Variants in CSMD1 observed in about 807,000 individuals in gnomAD.
CSMD1 encodes the protein CUB and Sushi multiple domains 1.
A neutral mutation model predicts 417.5 loss-of-function variants in CSMD1; 213 were observed. The ratio of observed to expected loss-of-function variants is 0.51; its 90% CI spans 0.46 to 0.57. The LOEUF (loss-of-function observed/expected upper bound fraction) is 0.57, where lower values mean the gene tolerates loss of function less well. Among genes scored for constraint, CSMD1 ranks in the 20% least tolerant of loss-of-function variants. The pLI is 0.00. For synonymous variants in CSMD1, 2,862 were observed against 1,736.8 expected (o/e 1.65, Z -16.11); for missense variants, 6,923 against 4,529.7 (o/e 1.53, Z -15.17).
At chr8:3,551,868 T>G (rs1000629768) in intron 10 of CSMD1, among the ~76,000 whole-genome samples, 2 of 152,162 alleles carry the variant, frequency 1.3e-5, no homozygotes, top group Non-Finnish European at 2.9e-5. Context: ...GCTGCCACTG[T>G]GTCTTTAATG....
chr8:3,571,853 C>A (rs1246096627), intron 10 of CSMD1, among the ~76,000 whole-genome samples: 1 of 152,128 alleles, frequency 6.6e-6, no homozygotes, highest in African/African-American at 2.4e-5. Flanking sequence ...CCAAACTCTG[C>A]GTCTCACGTC....
rs554438988 is a variant in CSMD1 at position 4,708,446 on chromosome 8, A to G, written c.86-70888T>C. On this transcript the variant is annotated intron_variant, in intron 1 of 69. Transcript: ENST00000635120. ...AACTGCTAATAGTTTCACTAAAGAAACAAATATAGGAACAATGAAAAAGTA... is the reference window on the plus strand; with the variant it reads ...AACTGCTAATAGTTTCACTAAAGAAGCAAATATAGGAACAATGAAAAAGTA... Among the ~76,000 whole-genome samples, 8 of 152,368 alleles carry G rather than the reference A, an allele frequency of 5.3e-5. No homozygotes were observed. The South Asian group carries it at 1.7e-3, about 32-fold the overall frequency.
intron 6 of CSMD1, among the ~76,000 whole-genome samples, chr8:3,732,554 C>A (rs1796325248): frequency 6.6e-6 from 1 of 152,346 alleles, no homozygotes; most frequent in Admixed American, 6.5e-5. Context: ...GTACATTCTA[C>A]TAAACACCCT....
chr8:4,707,886 CAAAAAAAAAAAAAAAAAAAAAAAAAAAA>C lies in CSMD1; in HGVS notation c.86-70356_86-70329del, dbSNP rs552510236. Among the ~76,000 whole-genome samples, 118 of 100,854 alleles carry C rather than the reference CAAAAAAAAAAAAAAAAAAAAAAAAAAAA, an allele frequency of 1.2e-3. 1 individual carries two copies. Among genetic ancestry groups the C allele is most frequent in the Non-Finnish European group, 1.5e-3 (77 of 50,038 alleles). 66.2% of individuals were successfully genotyped at this position (100,854 alleles called of 152,430 possible). On this transcript the variant is annotated intron_variant, in intron 1 of 69. Coordinates refer to ENST00000635120, the MANE Select transcript of CSMD1 (RefSeq NM_033225.6). ...TGGGGACAAGAGCAAGACTTTGTTTCAAAAAAAAAAAAAAAAAAAAAAAAAAAAAAAAAAAAAAAAAAAGAGGGGAAAG... is the reference window on the plus strand; with the variant it reads ...TGGGGACAAGAGCAAGACTTTGTTTCAAAAAAAAAAAAAAAGAGGGGAAAG...
chr8:3,780,518 G>A (rs1482448832), intron 5 of CSMD1, among the ~76,000 whole-genome samples: 1 of 152,122 alleles, frequency 6.6e-6, no homozygotes, highest in African/African-American at 2.4e-5. Context: ...CAATTTTTGT[G>A]GTACTACTGA....
At chr8:4,232,567 G>A (rs1372105724) in intron 3 of CSMD1, among the ~76,000 whole-genome samples, 1 of 152,158 alleles carries the variant, frequency 6.6e-6, no homozygotes, top group Admixed American at 6.6e-5. Context: ...ACTCAAAAAT[G>A]AGAAATGTGA....
intron 1 of CSMD1, among the ~76,000 whole-genome samples, chr8:4,958,022 G>A (rs934519309): frequency 3.9e-5 from 6 of 152,150 alleles, no homozygotes; most frequent in South Asian, 2.1e-4. Flanking sequence ...AAGTCACGAC[G>A]TTGAGGAGAA....
At chr8:4,669,061 C>G (rs543132358) in intron 1 of CSMD1, among the ~76,000 whole-genome samples, 1 of 152,254 alleles carries the variant, frequency 6.6e-6, no homozygotes, top group African/African-American at 2.4e-5. Flanking sequence ...ACAGAATTTA[C>G]ACAGCTCTTA....
At chr8:4,977,089 C>G (rs552588036) in intron 1 of CSMD1, among the ~76,000 whole-genome samples, 2 of 152,166 alleles carry the variant, frequency 1.3e-5, no homozygotes, top group Admixed American at 6.5e-5. Flanking sequence ...ATTGGCGTTT[C>G]TCTCAAGATG....
chr8:3,384,076 G>A (rs1211674804), intron 18 of CSMD1, among the ~76,000 whole-genome samples: 1 of 152,236 alleles, frequency 6.6e-6, no homozygotes, highest in South Asian at 2.1e-4. Flanking sequence ...TGAAAGCGAA[G>A]TGTGGAGTCC....
intron 5 of CSMD1, among the ~76,000 whole-genome samples, chr8:3,967,329 C>T (rs144583061): frequency 6.0e-4 from 91 of 152,164 alleles, no homozygotes; most frequent in African/African-American, 2.1e-3. Context: ...AATGATGGTA[C>T]GGCTTCTCCA....
At chr8:3,821,241 G>C (rs1471453028) in intron 5 of CSMD1, among the ~76,000 whole-genome samples, 1 of 152,072 alleles carries the variant, frequency 6.6e-6, no homozygotes, top group East Asian at 1.9e-4. Flanking sequence ...TTTAAAAGTA[G>C]AATGAGTACA....
intron 1 of CSMD1, among the ~76,000 whole-genome samples, chr8:4,808,524 G>A (rs1481062057): frequency 6.6e-6 from 1 of 152,118 alleles, no homozygotes; most frequent in African/African-American, 2.4e-5. Flanking sequence ...TGGATCCCTT[G>A]TGGTAGAAAA....
intron 26 of CSMD1, among the ~76,000 whole-genome samples, chr8:3,251,343 T>C (rs1309605286): frequency 1.3e-5 from 2 of 152,198 alleles, no homozygotes; most frequent in Admixed American, 6.5e-5. Flanking sequence ...TTGCTTGTTT[T>C]TGTCAGGTTT....
At chr8:4,732,278 T>C (rs764648478) in intron 1 of CSMD1, among the ~76,000 whole-genome samples, 2 of 151,814 alleles carry the variant, frequency 1.3e-5, no homozygotes, top group Non-Finnish European at 2.9e-5. Context: ...GACACTCTGC[T>C]AGATTCTAGA....
chr8:2,972,683 G>C (rs1431622563), intron 57 of CSMD1, among the ~76,000 whole-genome samples: 2 of 152,164 alleles, frequency 1.3e-5, no homozygotes, highest in African/African-American at 4.8e-5. Flanking sequence ...GTGAAATAGA[G>C]TGCTCCACAC....
At chr8:4,014,432 A>G (rs1172724707) in intron 4 of CSMD1, among the ~76,000 whole-genome samples, 3 of 152,152 alleles carry the variant, frequency 2.0e-5, no homozygotes, top group South Asian at 2.1e-4. Flanking sequence ...GAGAATATAA[A>G]TGTTCTCTGT....
chr8:4,318,039 T>G (rs1200717682), intron 3 of CSMD1, among the ~76,000 whole-genome samples: 4 of 152,172 alleles, frequency 2.6e-5, no homozygotes, highest in Non-Finnish European at 5.9e-5. Context: ...TAGCAATATA[T>G]AAAATTGTGC....
chr8:4,613,399 C>A (rs13271436), intron 2 of CSMD1, among the ~76,000 whole-genome samples: 10,957 of 152,192 alleles, frequency 0.072, 532 homozygotes, highest in East Asian at 0.17. Flanking sequence ...GAAATTAGAG[C>A]TTAGGCAAGC....
Sources: gnomAD v4.1 joint callset for allele counts (sites outside exome capture counted in the v4.1 genomes callset) on GRCh38, gnomAD v4.1.1 for gene constraint, MANE v1.5 for transcripts, NCBI Gene and HGNC (gene_info 2026-07-23, HGNC 2026-07-21) for gene names.